MAP4K4: variants seen among roughly 807,000 people sequenced by gnomAD.
MAP4K4 encodes the protein HPK/GCK-like kinase HGK.
In MAP4K4, 38 loss-of-function variants were observed where a neutral mutation model predicts 189.6. The ratio of observed to expected loss-of-function variants is 0.20; its 90% CI spans 0.15 to 0.26. The LOEUF is 0.26. Among genes scored for constraint, MAP4K4 ranks in the 10% least tolerant of loss-of-function variants. The pLI, the probability that MAP4K4 is intolerant of heterozygous loss-of-function variation, is 1.00. For synonymous variants in MAP4K4, 610 were observed against 624.3 expected (o/e 0.98, Z 0.34); for missense variants, 1,054 against 1,726.9 (o/e 0.61, Z 6.91).
chr2:101,724,437 C>A lies in MAP4K4; in HGVS notation c.123+25899C>A, dbSNP rs191489985. On this transcript the variant is annotated intron_variant, in intron 2 of 32. Coordinates refer to ENST00000324219, the Ensembl canonical transcript of MAP4K4. The stretch of plus-strand genomic sequence containing the variant: ...GGATGGGTCAGTATGGGCTGTCATT[C>A]CTCTTTAAAATGTTGAGTGCTTTCA... 3.5e-3 allele frequency among the ~76,000 whole-genome samples: 528 copies of A among 152,268 alleles called. 2 individuals carry two copies. The highest frequency in any genetic ancestry group is 0.012 in the African/African-American group (513 of 41,548).
chr2:101,714,397 A>G (rs1253401099), intron 2 of MAP4K4, among the ~76,000 whole-genome samples: 1 of 152,222 alleles, frequency 6.6e-6, no homozygotes, highest in South Asian at 2.1e-4. Context: ...TTTATGCAAC[A>G]TATTTATATA....
intron 2 of MAP4K4, among the ~76,000 whole-genome samples, chr2:101,781,046 G>A (rs1319903114): frequency 6.6e-6 from 1 of 152,222 alleles, no homozygotes; most frequent in African/African-American, 2.4e-5. Flanking sequence ...ACTAGTGATA[G>A]CTGCTTGCAG....
At chr2:101,808,349 G>A (rs150035481) in intron 3 of MAP4K4, among the ~76,000 whole-genome samples, 2 of 152,300 alleles carry the variant, frequency 1.3e-5, no homozygotes, top group Non-Finnish European at 2.9e-5. Context: ...GCAGCTCCTG[G>A]CTCTTAACAC....
intron 26 of MAP4K4, 146 bp from the exon 27 acceptor site, chr2:101,876,857 C>T (rs1339666713): frequency 2.8e-6 from 2 of 712,844 alleles, no homozygotes; most frequent in Non-Finnish European, 4.7e-6. Context: ...AACTGTTTAA[C>T]CTTTGACTAT....
chr2:101,821,262 C>T (rs1043660278), intron 3 of MAP4K4, among the ~76,000 whole-genome samples: 1 of 152,174 alleles, frequency 6.6e-6, no homozygotes, highest in Non-Finnish European at 1.5e-5. Context: ...GTCAAAGTCA[C>T]ATGACAAGTG....
intron 12 of MAP4K4, among the ~76,000 whole-genome samples, chr2:101,852,870 A>C (rs1197338714): frequency 6.6e-6 from 1 of 152,192 alleles, no homozygotes; most frequent in African/African-American, 2.4e-5. Flanking sequence ...GTGGTGAAAG[A>C]TGAACTAAAA....
intron 2 of MAP4K4, among the ~76,000 whole-genome samples, chr2:101,745,077 G>C (rs1412255580): frequency 1.3e-5 from 2 of 152,182 alleles, no homozygotes; most frequent in African/African-American, 4.8e-5. Flanking sequence ...AAAAGTGTGA[G>C]ATCAAAAGCT....
chr2:101,811,097 G>A (rs114432366), intron 3 of MAP4K4, among the ~76,000 whole-genome samples: 2,853 of 152,186 alleles, frequency 0.019, 89 homozygotes, highest in African/African-American at 0.064. Flanking sequence ...AGTAGGGTCG[G>A]GCGAGGTGGC....
chr2:101,847,346 T>G (rs2097141706), intron 12 of MAP4K4, among the ~76,000 whole-genome samples: 1 of 152,238 alleles, frequency 6.6e-6, no homozygotes, highest in South Asian at 2.1e-4. Context: ...AAAAACCAAG[T>G]TAACTGCAAA....
At chr2:101,880,238 TG>T (rs1422248196) in intron 27 of MAP4K4, among the ~76,000 whole-genome samples, 4 of 152,222 alleles carry the variant, frequency 2.6e-5, no homozygotes, top group Non-Finnish European at 4.4e-5. Flanking sequence ...ATTGTGCTTC[TG>T]GTATTGTATC....
chr2:101,795,412 G>A (rs190753599), intron 3 of MAP4K4, among the ~76,000 whole-genome samples: 2 of 152,282 alleles, frequency 1.3e-5, no homozygotes, highest in Admixed American at 1.3e-4. Flanking sequence ...GGATATTCCT[G>A]TGGACATGAG....
At chr2:101,888,072 G>A (rs1224032805) in intron 31 of MAP4K4, 135 bp downstream of exon 31, 4 of 655,802 alleles carry the variant, frequency 6.1e-6, no homozygotes, top group African/African-American at 5.5e-5. Context: ...GCAGTAGATG[G>A]TGGAAAGTTA....
At chr2:101,736,330 C>T (rs1461695514) in intron 2 of MAP4K4, among the ~76,000 whole-genome samples, 2 of 152,222 alleles carry the variant, frequency 1.3e-5, no homozygotes, top group Non-Finnish European at 2.9e-5. Context: ...TTCCTTGTTG[C>T]TGCCACACTG....
At chr2:101,730,738 A>G (rs1479076018) in intron 2 of MAP4K4, among the ~76,000 whole-genome samples, 1 of 152,098 alleles carries the variant, frequency 6.6e-6, no homozygotes, top group Non-Finnish European at 1.5e-5. Context: ...CCTGTGAATC[A>G]CTTTGACTTA....
intron 2 of MAP4K4, among the ~76,000 whole-genome samples, chr2:101,725,398 A>AAC (rs1559106235): frequency 6.7e-6 from 1 of 149,720 alleles, no homozygotes; most frequent in East Asian, 2.0e-4. Context: ...AAAAAAAAAA[A>AAC]AACAAAAACA....
intron 2 of MAP4K4, among the ~76,000 whole-genome samples, chr2:101,782,941 C>CT (rs565891458): frequency 6.6e-6 from 1 of 152,092 alleles, no homozygotes; most frequent in African/African-American, 2.4e-5. Flanking sequence ...TGGTCTTTGC[C>CT]TTTTTTGTGG....
intron 2 of MAP4K4, 98 bp from the exon 3 acceptor site, chr2:101,790,622 A>G (rs779056122): frequency 1.2e-6 from 1 of 812,248 alleles, no homozygotes; most frequent in African/African-American, 1.7e-5. Flanking sequence ...AGATAAGTAT[A>G]GTTGAGATAC....
rs1213865569 is a variant in MAP4K4 at position 101,698,831 on chromosome 2, A to AT, written c.123+299dup. Among the ~76,000 whole-genome samples, 3 of 152,056 alleles carry AT rather than the reference A, an allele frequency of 2.0e-5. No homozygotes were observed. In the South Asian group the frequency reaches 6.2e-4, roughly 31 times the overall value. On this transcript the variant is annotated intron_variant, in intron 2 of 32. Coordinates refer to ENST00000324219, the Ensembl canonical transcript of MAP4K4. Reference sequence around the variant, plus strand: ...ATTTTTTAAAAATAAGACAACCTGAATTTTTTCTTTTTTTCCCCAAATCCG... The same window carrying AT: ...ATTTTTTAAAAATAAGACAACCTGAATTTTTTTCTTTTTTTCCCCAAATCCG...
intron 3 of MAP4K4, among the ~76,000 whole-genome samples, chr2:101,808,059 G>A (rs781372823): frequency 5.9e-5 from 9 of 152,200 alleles, no homozygotes; most frequent in Admixed American, 1.3e-4. Flanking sequence ...GCCCAACAAC[G>A]GAAGTTTTCT....
Sources: allele counts gnomAD v4.1 joint callset (sites outside exome capture counted in the v4.1 genomes callset), GRCh38; gene constraint gnomAD v4.1.1; transcripts MANE v1.5; gene names NCBI Gene and HGNC (gene_info 2026-07-23, HGNC 2026-07-21).